The following TIMP2 variants were observed in gnomAD, a reference collection of about 807,000 sequenced individuals.
TIMP2 encodes the protein metalloproteinase inhibitor 2.
Under a neutral mutation model 24.3 loss-of-function variants are expected in TIMP2, and 5 were observed. The observed-to-expected ratio is 0.21, with a 90% confidence interval of 0.11 to 0.43. The LOEUF (loss-of-function observed/expected upper bound fraction) is 0.43, where lower values mean the gene tolerates loss of function less well. TIMP2 is among the 20% of genes least tolerant of loss of function. The pLI is 1.00. For synonymous variants in TIMP2, 130 were observed against 123.2 expected, an observed-to-expected ratio of 1.06 and a Z score of -0.37; for missense variants, 221 against 297.5, an observed-to-expected ratio of 0.74 and a Z score of 1.89.
chr17:78,909,883 T>G (rs546981346), intron 1 of TIMP2, among the ~76,000 whole-genome samples: 1 of 151,930 alleles, frequency 6.6e-6, no homozygotes, highest in Admixed American at 6.6e-5. Context: ...AACAGGGAAC[T>G]AGGGCACAGA....
chr17:78,919,255 TG>T (rs2070289845), intron 1 of TIMP2, among the ~76,000 whole-genome samples: 1 of 152,208 alleles, frequency 6.6e-6, no homozygotes, highest in Admixed American at 6.5e-5. Context: ...GGTGGCTGCG[TG>T]GGTCCCGGGA....
intron 3 of TIMP2, among the ~76,000 whole-genome samples, chr17:78,863,786 A>G (rs1009871197): frequency 8.1e-4 from 123 of 152,246 alleles, no homozygotes; most frequent in African/African-American, 2.7e-3. Context: ...TAAAATTATC[A>G]GCTACCCTTG....
intron 3 of TIMP2, among the ~76,000 whole-genome samples, chr17:78,866,041 C>A (rs940253253): frequency 6.6e-6 from 1 of 152,210 alleles, no homozygotes; most frequent in African/African-American, 2.4e-5. Flanking sequence ...AGTAAGTTCC[C>A]TGCACCACGG....
intron 4 of TIMP2, 170 bp downstream of exon 4, chr17:78,857,352 T>TC: frequency 1.1e-6 from 1 of 876,468 alleles, no homozygotes; most frequent in Non-Finnish European, 1.7e-6. Context: ...AAAGGCTCTG[T>TC]CCCCAGCCAG....
At chr17:78,867,076 C>T (rs532033432) in intron 3 of TIMP2, among the ~76,000 whole-genome samples, 1 of 152,298 alleles carries the variant, frequency 6.6e-6, no homozygotes, top group Non-Finnish European at 1.5e-5. Context: ...GCCTGGCCAA[C>T]ATGGTGAAAC....
At chr17:78,890,879 C>G in intron 1 of TIMP2, 1 of 1,550,654 alleles carries the variant, frequency 6.4e-7, no homozygotes. Flanking sequence ...TTGCTCCCTC[C>G]TCTCTTTTTC....
At chr17:78,886,555 C>T (rs955769483) in intron 1 of TIMP2, among the ~76,000 whole-genome samples, 2 of 152,078 alleles carry the variant, frequency 1.3e-5, no homozygotes, top group Non-Finnish European at 1.5e-5. Flanking sequence ...ACGGTGACAC[C>T]CCACCCCGAG....
chr17:78,893,313 G>A (rs1265000824), intron 1 of TIMP2, among the ~76,000 whole-genome samples: 1 of 148,606 alleles, frequency 6.7e-6, no homozygotes, highest in Non-Finnish European at 1.5e-5. Flanking sequence ...GGGTGTATGT[G>A]CAAGGGTGTG....
At chr17:78,899,376 C>G (rs969872758) in intron 1 of TIMP2, 4 of 152,474 alleles carry the variant, frequency 2.6e-5, no homozygotes, top group African/African-American at 9.6e-5. Flanking sequence ...CAGCATCCCC[C>G]ATGTGATTCC....
In TIMP2 at chr17:78,882,428, AAC is replaced by A. The variant is rs561707338; in HGVS notation, c.131-8511_131-8510del. On this transcript the variant is annotated intron_variant, in intron 1 of 4. Transcript: ENST00000262768. ...CCTCAGCTCAGGACAGATGTCCAGT[AAC>A]ACAGCTGTGGCCCTGCCCTGCAACT... Among the ~76,000 whole-genome samples the A allele has an allele frequency of 1.3e-4, 20 of 152,352 alleles. No individual in the cohort carries two copies. In the East Asian group the frequency reaches 3.5e-3, roughly 26 times the overall value.
At chr17:78,921,909 C>T (rs1235922585) in intron 1 of TIMP2, among the ~76,000 whole-genome samples, 6 of 152,194 alleles carry the variant, frequency 3.9e-5, no homozygotes, top group Non-Finnish European at 8.8e-5. Context: ...GTTTCTTAAG[C>T]CAATTGCCTC....
At position 78,896,887 on chromosome 17, in the gene TIMP2, C is replaced by T; in HGVS notation, c.131-22968G>A. 1.0e-6 allele frequency: 1 copy of T among 982,610 alleles called. No homozygotes were observed. Among genetic ancestry groups the T allele is most frequent in the Non-Finnish European group, 1.2e-6 (1 of 827,454 alleles). The allele number at this position is 982,610 out of a possible 1,614,324, so 60.9% of individuals were successfully genotyped here. On this transcript the variant is annotated intron_variant, in intron 1 of 4. Transcript: ENST00000262768. This position sits in a 1 kb window ranked among gnomAD's most constrained non-coding sequence, Gnocchi z 4.4. ...GCTCCACCCCAGACCGATCCGATCC[C>T]AGCACCTGGGCCCAGGAATGTGCTT...
At chr17:78,882,946 C>T (rs765871383) in intron 1 of TIMP2, among the ~76,000 whole-genome samples, 2 of 152,294 alleles carry the variant, frequency 1.3e-5, no homozygotes, top group African/African-American at 2.4e-5. Context: ...CCTTCCTCGG[C>T]CCCTTCATGC....
chr17:78,876,421 C>T (rs55973941), intron 1 of TIMP2, among the ~76,000 whole-genome samples: 25,402 of 151,970 alleles, frequency 0.17, 2,234 homozygotes, highest in East Asian at 0.27. Context: ...AGTGCAGTGG[C>T]GCAATCTCAG....
chr17:78,921,287 C>A (rs1465982905), intron 1 of TIMP2, among the ~76,000 whole-genome samples: 2 of 151,504 alleles, frequency 1.3e-5, no homozygotes, highest in Non-Finnish European at 2.9e-5. Flanking sequence ...TGGTTGTGGA[C>A]CCCTCTCTAG....
intron 1 of TIMP2, among the ~76,000 whole-genome samples, chr17:78,923,340 G>C (rs1053224576): frequency 6.8e-6 from 1 of 147,140 alleles, no homozygotes; most frequent in Non-Finnish European, 1.5e-5. Context: ...AGCAAGGACA[G>C]AGTGGCTGCC....
intron 1 of TIMP2, among the ~76,000 whole-genome samples, chr17:78,918,373 G>A (rs78258204): frequency 0.059 from 8,949 of 152,128 alleles, 416 homozygotes; most frequent in African/African-American, 0.13. Context: ...TCCCTCTGCC[G>A]CTGCACAGCC....
chr17:78,859,641 G>A (rs1194533450), intron 3 of TIMP2, among the ~76,000 whole-genome samples: 2 of 151,450 alleles, frequency 1.3e-5, no homozygotes, highest in Admixed American at 1.3e-4. Context: ...CAGCCTGGGC[G>A]ACAGAGACAG....
At chr17:78,871,706 C>T (rs1235725791) in intron 2 of TIMP2, among the ~76,000 whole-genome samples, 1 of 151,622 alleles carries the variant, frequency 6.6e-6, no homozygotes, top group Non-Finnish European at 1.5e-5. Flanking sequence ...TTTAGCTGGG[C>T]GTGGTGGCGG....
Sources: gnomAD v4.1 joint callset for allele counts (sites outside exome capture counted in the v4.1 genomes callset) on GRCh38, gnomAD v4.1.1 for gene constraint, Gnocchi (gnomAD v3.1) non-coding constraint, MANE v1.5 for transcripts, NCBI Gene and HGNC (gene_info 2026-07-23, HGNC 2026-07-21) for gene names.